WDR70: variants seen among roughly 807,000 people sequenced by gnomAD.
WDR70 encodes WD repeat domain 70.
Under a neutral mutation model 88.6 loss-of-function variants are expected in WDR70, and 53 were observed. The observed-to-expected ratio is 0.60, with a 90% CI of 0.48 to 0.75. The LOEUF (loss-of-function observed/expected upper bound fraction) is 0.75. Among genes scored for constraint, WDR70 ranks in the 30% least tolerant of loss-of-function variants. The pLI is 0.00. For synonymous variants in WDR70, 280 were observed against 270.0 expected (o/e 1.04, Z -0.36); for missense variants, 610 against 823.2 (o/e 0.74, Z 3.17).
intron 10 of WDR70, among the ~76,000 whole-genome samples, chr5:37,628,664 T>TA (rs1415306443): frequency 6.6e-6 from 1 of 152,220 alleles, no homozygotes; most frequent in Non-Finnish European, 1.5e-5. Flanking sequence ...GTATATGTTT[T>TA]AAATGGGGGA....
At chr5:37,406,616 G>T (rs1215405584) in intron 5 of WDR70, among the ~76,000 whole-genome samples, 4 of 152,170 alleles carry the variant, frequency 2.6e-5, no homozygotes, top group African/African-American at 9.7e-5. Context: ...GTGAATGAAT[G>T]TATAAAGAAC....
intron 9 of WDR70, among the ~76,000 whole-genome samples, chr5:37,556,666 G>A (rs1742302638): frequency 6.6e-6 from 1 of 152,028 alleles, no homozygotes; most frequent in East Asian, 1.9e-4. Flanking sequence ...CTTTTAACCA[G>A]GCAGATGCCT....
intron 3 of WDR70, among the ~76,000 whole-genome samples, chr5:37,386,731 T>A (rs1748628761): frequency 6.6e-6 from 1 of 152,216 alleles, no homozygotes. Context: ...TTGAGAATAT[T>A]AAATTGAATT....
At chr5:37,696,829 C>T (rs1490815124) in intron 10 of WDR70, among the ~76,000 whole-genome samples, 1 of 152,194 alleles carries the variant, frequency 6.6e-6, no homozygotes, top group African/African-American at 2.4e-5. Flanking sequence ...TGAGTCATAA[C>T]TGAGTGGCAA....
At chr5:37,620,821 C>T (rs1274016801) in intron 10 of WDR70, among the ~76,000 whole-genome samples, 1 of 152,098 alleles carries the variant, frequency 6.6e-6, no homozygotes, top group Non-Finnish European at 1.5e-5. Flanking sequence ...CTAAAGCCTA[C>T]GCTTTGAAAA....
At chr5:37,684,792 G>A (rs558823170) in intron 10 of WDR70, among the ~76,000 whole-genome samples, 3 of 152,342 alleles carry the variant, frequency 2.0e-5, no homozygotes, top group African/African-American at 7.2e-5. Context: ...TGTGCTAACA[G>A]CAACAGTAGC....
chr5:37,424,117 C>T (rs1750041804), intron 5 of WDR70, among the ~76,000 whole-genome samples: 1 of 128,124 alleles, frequency 7.8e-6, no homozygotes, highest in Non-Finnish European at 1.6e-5. Context: ...CCACTGCATT[C>T]CAGCCGTGGC....
intron 10 of WDR70, among the ~76,000 whole-genome samples, chr5:37,670,587 T>C (rs191802062): frequency 6.6e-6 from 1 of 152,340 alleles, no homozygotes; most frequent in East Asian, 1.9e-4. Context: ...CATTTAATAG[T>C]TGAAGAAACA....
At chr5:37,601,381 C>T (rs1263437702) in intron 9 of WDR70, among the ~76,000 whole-genome samples, 2 of 152,270 alleles carry the variant, frequency 1.3e-5, no homozygotes, top group East Asian at 1.9e-4. Context: ...CCCATTTGAT[C>T]GTGGTGAATT....
intron 10 of WDR70, among the ~76,000 whole-genome samples, chr5:37,658,779 AG>A (rs1745624092): frequency 6.6e-6 from 1 of 152,210 alleles, no homozygotes; most frequent in Non-Finnish European, 1.5e-5. Flanking sequence ...TCAAAAGTCC[AG>A]ATTTTTGACA....
intron 10 of WDR70, among the ~76,000 whole-genome samples, chr5:37,686,983 A>G (rs1352722526): frequency 4.9e-5 from 7 of 142,936 alleles, no homozygotes; most frequent in East Asian, 2.1e-4. Flanking sequence ...AATAATAATA[A>G]TAAGCCTATA....
intron 13 of WDR70, among the ~76,000 whole-genome samples, chr5:37,715,757 A>G (rs1304604305): frequency 6.6e-6 from 1 of 152,192 alleles, no homozygotes; most frequent in African/African-American, 2.4e-5. Flanking sequence ...AATATAGAAA[A>G]CAGTTTTTCT....
intron 10 of WDR70, among the ~76,000 whole-genome samples, chr5:37,669,937 T>C (rs1040767047): frequency 6.6e-6 from 1 of 152,192 alleles, no homozygotes; most frequent in Non-Finnish European, 1.5e-5. Context: ...GCATGTTTTA[T>C]GATTTCATTT....
intron 5 of WDR70, among the ~76,000 whole-genome samples, chr5:37,416,583 C>CT (rs766896054): frequency 0.035 from 4,571 of 129,174 alleles, 341 homozygotes; most frequent in African/African-American, 0.12. Flanking sequence ...GAGAGGGCTT[C>CT]TTTTTTTTTT....
intron 6 of WDR70, among the ~76,000 whole-genome samples, chr5:37,440,844 C>T (rs1419370581): frequency 6.6e-6 from 1 of 152,176 alleles, no homozygotes; most frequent in Non-Finnish European, 1.5e-5. Context: ...TTCTGTTCTT[C>T]CTTGATAAAA....
At chr5:37,500,606 C>T (rs1740376847) in intron 8 of WDR70, among the ~76,000 whole-genome samples, 1 of 150,808 alleles carries the variant, frequency 6.6e-6, no homozygotes, top group African/African-American at 2.4e-5. Flanking sequence ...TGTTTTTTCA[C>T]TTTTTAATAA....
chr5:37,676,552 A>G (rs35302291), intron 10 of WDR70, among the ~76,000 whole-genome samples: 27,737 of 151,608 alleles, frequency 0.18, 3,110 homozygotes, highest in East Asian at 0.36. Context: ...ATTTGCGTAT[A>G]TTGAACCAGC....
intron 7 of WDR70, among the ~76,000 whole-genome samples, chr5:37,479,107 G>A (rs1739575521): frequency 6.6e-6 from 1 of 152,096 alleles, no homozygotes; most frequent in South Asian, 2.1e-4. Flanking sequence ...CCATGGACTG[G>A]AAGAGGTTCA....
chr5:37,509,155 T>A (rs1740647668), intron 8 of WDR70, among the ~76,000 whole-genome samples: 1 of 152,158 alleles, frequency 6.6e-6, no homozygotes, highest in African/African-American at 2.4e-5. Context: ...ATCAACTTTA[T>A]TGATTTATTT....
Sources: gnomAD v4.1 joint callset for allele counts (sites outside exome capture counted in the v4.1 genomes callset) on GRCh38, gnomAD v4.1.1 for gene constraint, MANE v1.5 for transcripts, NCBI Gene and HGNC (gene_info 2026-07-23, HGNC 2026-07-21) for gene names.